Variants in NCALD observed in about 807,000 individuals in gnomAD.
The protein encoded by NCALD is neurocalcin-delta.
A neutral mutation model predicts 18.6 loss-of-function variants in NCALD; 10 were observed. The observed-to-expected ratio is 0.54, with a 90% CI of 0.33 to 0.91. The LOEUF (loss-of-function observed/expected upper bound fraction) is 0.91, where lower values mean the gene tolerates loss of function less well. Ranked by LOEUF, NCALD falls within the 40% of genes least tolerant of loss-of-function variation. The pLI is 0.03. For missense variants in NCALD, 184 were observed against 247.6 expected (o/e 0.74, Z 1.72); for synonymous variants, 88 against 87.4 (o/e 1.01, Z -0.04).
At chr8:101,874,428 G>A (rs1400933254) in intron 4 of NCALD, among the ~76,000 whole-genome samples, 1 of 152,152 alleles carries the variant, frequency 6.6e-6, no homozygotes, top group Non-Finnish European at 1.5e-5. Flanking sequence ...GGTTTCCATG[G>A]GTTATCTGGC....
chr8:101,938,264 C>T (rs182473281), intron 2 of NCALD, among the ~76,000 whole-genome samples: 88 of 152,292 alleles, frequency 5.8e-4, no homozygotes, highest in Non-Finnish European at 6.3e-4. Context: ...TTATATGATA[C>T]ATATACATAT....
chr8:101,800,146 G>A (rs1188476409), intron 4 of NCALD, among the ~76,000 whole-genome samples: 1 of 152,110 alleles, frequency 6.6e-6, no homozygotes, highest in East Asian at 1.9e-4. Context: ...CAGACATATA[G>A]AAAGGGTAAA....
At chr8:102,023,309 C>A (rs372630022) in intron 1 of NCALD, among the ~76,000 whole-genome samples, 4 of 151,714 alleles carry the variant, frequency 2.6e-5, no homozygotes, top group Non-Finnish European at 5.9e-5. Context: ...CATACTGTGC[C>A]GTGAAAGCAC....
intron 1 of NCALD, among the ~76,000 whole-genome samples, chr8:101,753,784 G>A (rs1810760030): frequency 6.6e-6 from 1 of 152,280 alleles, no homozygotes; most frequent in East Asian, 1.9e-4. Context: ...TCTGAGGTGG[G>A]TGAGTCAACC....
intron 1 of NCALD, among the ~76,000 whole-genome samples, chr8:102,027,032 C>T (rs1172678636): frequency 6.6e-6 from 1 of 152,208 alleles, no homozygotes; most frequent in Non-Finnish European, 1.5e-5. Context: ...GGCACTATGT[C>T]CCAAGGCTGC....
chr8:101,961,270 G>A (rs184802936), intron 2 of NCALD, among the ~76,000 whole-genome samples: 2 of 152,208 alleles, frequency 1.3e-5, no homozygotes, highest in African/African-American at 4.8e-5. Context: ...TAACATTGTG[G>A]TATAATAAAA....
chr8:101,981,288 CCTT>C (rs2131940535), intron 2 of NCALD, among the ~76,000 whole-genome samples: 1 of 152,244 alleles, frequency 6.6e-6, no homozygotes, highest in South Asian at 2.1e-4. Flanking sequence ...CTTGTGGGTT[CCTT>C]CAGATGTCCT....
At chr8:101,943,579 G>C (rs781485423) in intron 2 of NCALD, among the ~76,000 whole-genome samples, 58 of 152,192 alleles carry the variant, frequency 3.8e-4, no homozygotes, top group Non-Finnish European at 7.3e-4. Context: ...GCAGGGGAGA[G>C]AGCTGAAGAG....
chr8:102,022,076 G>A (rs187807434), intron 1 of NCALD, among the ~76,000 whole-genome samples: 18 of 152,296 alleles, frequency 1.2e-4, no homozygotes, highest in East Asian at 3.9e-4. Flanking sequence ...TTTACAGGGC[G>A]TGAACAGGGT....
At chr8:102,064,472 C>CA (rs969522733) in intron 1 of NCALD, among the ~76,000 whole-genome samples, 1 of 152,216 alleles carries the variant, frequency 6.6e-6, no homozygotes, top group Non-Finnish European at 1.5e-5. Context: ...CCACTGGGCC[C>CA]AAGTACACCA....
At chr8:101,691,037 T>C (rs933907082) in intron 3 of NCALD, 1 of 985,280 alleles carries the variant, frequency 1.0e-6, no homozygotes, top group Non-Finnish European at 1.2e-6. Flanking sequence ...GGCCAGAAGT[T>C]AGATTCCAAG....
intron 1 of NCALD, among the ~76,000 whole-genome samples, chr8:102,031,300 G>A (rs902255914): frequency 1.3e-5 from 2 of 152,164 alleles, no homozygotes; most frequent in Non-Finnish European, 2.9e-5. Context: ...GAGCAGGAAG[G>A]TACAAATTAA....
intron 1 of NCALD, among the ~76,000 whole-genome samples, chr8:102,038,650 C>T (rs1429370560): frequency 8.5e-5 from 13 of 152,100 alleles, no homozygotes; most frequent in Admixed American, 8.5e-4. Flanking sequence ...TCATTAGTAA[C>T]CCATTCCACA....
chr8:101,925,220 C>T (rs1018163647), intron 2 of NCALD, among the ~76,000 whole-genome samples: 1 of 152,138 alleles, frequency 6.6e-6, no homozygotes, highest in African/African-American at 2.4e-5. Flanking sequence ...CTGCGATGCT[C>T]CCCTTGGAAG....
intron 1 of NCALD, among the ~76,000 whole-genome samples, chr8:102,114,679 C>G (rs952793435): frequency 2.0e-5 from 3 of 152,172 alleles, no homozygotes; most frequent in Admixed American, 6.5e-5. Flanking sequence ...AATACCCTAC[C>G]TCACTCTCCT....
At chr8:101,699,381 T>C (rs1815153422) in intron 2 of NCALD, among the ~76,000 whole-genome samples, 1 of 152,156 alleles carries the variant, frequency 6.6e-6, no homozygotes, top group Admixed American at 6.5e-5. Context: ...GAACCAGAAA[T>C]ACCATTTGAC....
intron 1 of NCALD, among the ~76,000 whole-genome samples, chr8:101,721,611 C>T (rs532281665): frequency 1.3e-5 from 2 of 152,242 alleles, no homozygotes; most frequent in East Asian, 3.9e-4. Flanking sequence ...AAATAAACTT[C>T]TACGGGGTGG....
At chr8:101,998,503 A>G (rs1323227779) in intron 2 of NCALD, among the ~76,000 whole-genome samples, 1 of 152,088 alleles carries the variant, frequency 6.6e-6, no homozygotes, top group African/African-American at 2.4e-5. Context: ...GAGCAGTGCA[A>G]TGGGGTGCTG....
chr8:101,985,880 A>G (rs558356946), intron 2 of NCALD, among the ~76,000 whole-genome samples: 4 of 152,272 alleles, frequency 2.6e-5, no homozygotes, highest in African/African-American at 9.6e-5. Context: ...TGGAAGCCTT[A>G]GGGACTCTTT....
Sources: allele counts gnomAD v4.1 joint callset (sites outside exome capture counted in the v4.1 genomes callset), GRCh38; gene constraint gnomAD v4.1.1; transcripts MANE v1.5; gene names NCBI Gene and HGNC (gene_info 2026-07-23, HGNC 2026-07-21).